The following CADM1 variants were observed in gnomAD, a reference collection of about 807,000 sequenced individuals.
CADM1 encodes the protein cell adhesion molecule 1.
Under a neutral mutation model 53.1 loss-of-function variants are expected in CADM1, and 15 were observed. The observed-to-expected ratio is 0.28, with a 90% CI of 0.19 to 0.44. CADM1 has a LOEUF of 0.44. Among genes scored for constraint, CADM1 ranks in the 20% least tolerant of loss-of-function variants. CADM1 has a pLI of 1.00. For missense variants in CADM1, 434 were observed against 611.3 expected (o/e 0.71, Z 3.06); for synonymous variants, 281 against 243.0 (o/e 1.16, Z -1.45).
intron 1 of CADM1, among the ~76,000 whole-genome samples, chr11:115,347,985 C>T (rs948376905): frequency 1.3e-5 from 2 of 152,164 alleles, no homozygotes; most frequent in Non-Finnish European, 2.9e-5. Flanking sequence ...GCTCTACTTC[C>T]TTTTACACAA....
chr11:115,380,067 G>A (rs1409211313), intron 1 of CADM1, among the ~76,000 whole-genome samples: 1 of 152,022 alleles, frequency 6.6e-6, no homozygotes, highest in Non-Finnish European at 1.5e-5. Flanking sequence ...GTATTCCTAG[G>A]GTTTACAGCC....
At chr11:115,351,566 C>A (rs768016515) in intron 1 of CADM1, among the ~76,000 whole-genome samples, 1 of 152,174 alleles carries the variant, frequency 6.6e-6, no homozygotes, top group African/African-American at 2.4e-5. Context: ...AGATTCTCCC[C>A]TATAAGACCT....
chr11:115,240,170 G>A (rs769411452), intron 2 of CADM1, 104 bp downstream of exon 2: 117 of 1,023,168 alleles, frequency 1.1e-4, no homozygotes, highest in Non-Finnish European at 1.6e-4. Context: ...TAAACTTTAA[G>A]CATCTAACAT....
intron 8 of CADM1, among the ~76,000 whole-genome samples, chr11:115,199,095 T>C (rs1170381678): frequency 6.6e-6 from 1 of 152,126 alleles, no homozygotes; most frequent in Non-Finnish European, 1.5e-5. Context: ...CACAGATTAG[T>C]TTCTATACAC....
At chr11:115,416,406 GA>G (rs1427513460) in intron 1 of CADM1, among the ~76,000 whole-genome samples, 1 of 151,984 alleles carries the variant, frequency 6.6e-6, no homozygotes, top group Non-Finnish European at 1.5e-5. Context: ...TGTAAACATG[GA>G]ATGAATAAAT....
intron 1 of CADM1, among the ~76,000 whole-genome samples, chr11:115,358,075 C>T (rs189176927): frequency 7.9e-5 from 12 of 152,202 alleles, no homozygotes; most frequent in Admixed American, 2.6e-4. Flanking sequence ...CACAGCTGTA[C>T]GCAGCTGCAA....
chr11:115,483,152 C>T (rs191832135), intron 1 of CADM1, among the ~76,000 whole-genome samples: 27 of 152,180 alleles, frequency 1.8e-4, no homozygotes, highest in Admixed American at 1.2e-3. Context: ...AAAATAAAGA[C>T]GAGTCTGAAA....
At chr11:115,198,139 G>A (rs1940249589) in intron 9 of CADM1, among the ~76,000 whole-genome samples, 1 of 152,192 alleles carries the variant, frequency 6.6e-6, no homozygotes, top group South Asian at 2.1e-4. Flanking sequence ...GTTTTGTAAG[G>A]AGGACTCTGT....
rs537807350 is a variant in CADM1, at chr11:115,299,493, A to C, written c.125-59073T>G. Among the ~76,000 whole-genome samples, 8 of 152,292 alleles carry C rather than the reference A, an allele frequency of 5.3e-5. No individual in the cohort carries two copies. The East Asian group carries it at 1.3e-3, about 26-fold the overall frequency. On this transcript the variant is annotated intron_variant, in intron 1 of 11. Coordinates refer to ENST00000331581, the MANE Select transcript of CADM1 (RefSeq NM_001301043.2). The stretch of plus-strand genomic sequence containing the variant: ...CAATAAATTCTAGAAATAACAGCTG[A>C]AAATGCATGAGAATGGCAAGACCAG...
intron 9 of CADM1, among the ~76,000 whole-genome samples, chr11:115,196,889 T>C (rs1367221634): frequency 2.6e-5 from 4 of 152,220 alleles, no homozygotes; most frequent in African/African-American, 7.2e-5. Flanking sequence ...CAATTAATGA[T>C]GAAATCTACA....
intron 1 of CADM1, among the ~76,000 whole-genome samples, chr11:115,378,235 C>G (rs1016158315): frequency 6.6e-6 from 1 of 152,152 alleles, no homozygotes; most frequent in Non-Finnish European, 1.5e-5. Flanking sequence ...AGAAAACTGA[C>G]AGCATCCTCA....
intron 1 of CADM1, among the ~76,000 whole-genome samples, chr11:115,453,519 G>A (rs1948620942): frequency 6.6e-6 from 1 of 152,046 alleles, no homozygotes. Flanking sequence ...TTGTTTTTGA[G>A]ACAGAGTCTT....
intron 1 of CADM1, among the ~76,000 whole-genome samples, chr11:115,282,470 G>A (rs1465223812): frequency 6.6e-6 from 1 of 152,218 alleles, no homozygotes; most frequent in African/African-American, 2.4e-5. Flanking sequence ...GGCATCTTAA[G>A]TTCTGACGAC....
At chr11:115,350,554 A>G (rs1591735670) in intron 1 of CADM1, among the ~76,000 whole-genome samples, 2 of 148,450 alleles carry the variant, frequency 1.3e-5, no homozygotes, top group South Asian at 4.3e-4. Context: ...TAGGTCATAT[A>G]TATTTAAACA....
At chr11:115,484,728 A>G (rs1477800539) in intron 1 of CADM1, among the ~76,000 whole-genome samples, 5 of 151,952 alleles carry the variant, frequency 3.3e-5, no homozygotes, top group Non-Finnish European at 7.4e-5. Context: ...CGGGCGGATC[A>G]CAAGGTCAGG....
intron 1 of CADM1, among the ~76,000 whole-genome samples, chr11:115,322,314 C>T (rs1471418713): frequency 6.6e-6 from 1 of 152,196 alleles, no homozygotes; most frequent in Non-Finnish European, 1.5e-5. Context: ...TTGGAAGACA[C>T]AAAAATGAAT....
chr11:115,180,684 G>A (rs147217482), intron 10 of CADM1, among the ~76,000 whole-genome samples: 11 of 151,778 alleles, frequency 7.2e-5, no homozygotes, highest in African/African-American at 1.5e-4. Flanking sequence ...AGCATTCCCC[G>A]TGGGGTGCTG....
intron 1 of CADM1, among the ~76,000 whole-genome samples, chr11:115,253,090 A>G (rs1942658947): frequency 6.6e-6 from 1 of 152,186 alleles, no homozygotes; most frequent in Admixed American, 6.5e-5. Context: ...AGGTTAAACA[A>G]ACAAACAAAC....
At chr11:115,187,841 CA>C (rs926054447) in intron 10 of CADM1, among the ~76,000 whole-genome samples, 18 of 152,198 alleles carry the variant, frequency 1.2e-4, no homozygotes, top group African/African-American at 4.1e-4. Context: ...TGAGGGTTAG[CA>C]AAGCCATTTA....
Sources: allele counts gnomAD v4.1 joint callset (sites outside exome capture counted in the v4.1 genomes callset), GRCh38; gene constraint gnomAD v4.1.1; transcripts MANE v1.5; gene names NCBI Gene and HGNC (gene_info 2026-07-23, HGNC 2026-07-21).